CNTN5: variants seen among roughly 807,000 people sequenced by gnomAD.
CNTN5 encodes the protein contactin-5.
A neutral mutation model predicts 129.1 loss-of-function variants in CNTN5; 77 were observed. The observed-to-expected ratio is 0.60, with a 90% CI of 0.50 to 0.72. The LOEUF is 0.72. Among genes scored for constraint, CNTN5 ranks in the 30% least tolerant of loss-of-function variants. The pLI is 0.00. For missense variants in CNTN5, 1,478 were observed against 1,328.8 expected (o/e 1.11, Z -1.75); for synonymous variants, 509 against 465.6 (o/e 1.09, Z -1.20).
intron 4 of CNTN5, among the ~76,000 whole-genome samples, chr11:99,827,542 CTA>C (rs1219918818): frequency 4.7e-4 from 71 of 152,254 alleles, no homozygotes; most frequent in African/African-American, 1.7e-3. Flanking sequence ...CAAGACTAGA[CTA>C]AATTGTTAGA....
chr11:99,811,512 T>G (rs893488288), intron 3 of CNTN5, among the ~76,000 whole-genome samples: 1 of 149,264 alleles, frequency 6.7e-6, no homozygotes, highest in Non-Finnish European at 1.5e-5. Flanking sequence ...ATTAATATTT[T>G]GTTAATATTA....
intron 3 of CNTN5, among the ~76,000 whole-genome samples, chr11:99,556,770 G>T (rs1474035399): frequency 6.7e-6 from 1 of 150,142 alleles, no homozygotes; most frequent in Non-Finnish European, 1.5e-5. Context: ...GTATCTAAAG[G>T]CATCTCTAAC....
chr11:100,169,591 T>A (rs567098481), intron 13 of CNTN5, among the ~76,000 whole-genome samples: 1 of 152,118 alleles, frequency 6.6e-6, no homozygotes, highest in African/African-American at 2.4e-5. Context: ...GATATGTGCA[T>A]TGTTTCTTAG....
At chr11:99,752,730 C>T (rs752520545) in intron 3 of CNTN5, among the ~76,000 whole-genome samples, 1 of 152,156 alleles carries the variant, frequency 6.6e-6, no homozygotes, top group Non-Finnish European at 1.5e-5. Flanking sequence ...ACACAGGCCC[C>T]ATGGTATTAT....
Position 99,798,543 on chromosome 11 carries a change from TTTTGTTGAC to T in CNTN5, c.56-20992_56-20984del, listed in dbSNP as rs763757331. ...AGGAGGTCCTTTTTCTACTGCTTGT[TTTTGTTGAC>T]TTTGTTGAAGATTAGATGGCTATGG... On this transcript the variant is annotated intron_variant, in intron 3 of 24. Coordinates refer to ENST00000524871, the MANE Select transcript of CNTN5 (RefSeq NM_014361.4). Among the ~76,000 whole-genome samples the T allele has an allele frequency of 8.5e-5, 13 of 152,260 alleles. No homozygotes were observed. The South Asian group carries it at 2.3e-3, about 27-fold the overall frequency.
intron 3 of CNTN5, among the ~76,000 whole-genome samples, chr11:99,767,888 A>C (rs760722061): frequency 6.6e-6 from 1 of 152,056 alleles, no homozygotes; most frequent in Non-Finnish European, 1.5e-5. Flanking sequence ...TATTTTAAAT[A>C]TTTTCAAAAC....
chr11:99,268,792 C>T (rs1284000283), intron 1 of CNTN5, among the ~76,000 whole-genome samples: 1 of 151,952 alleles, frequency 6.6e-6, no homozygotes, highest in Non-Finnish European at 1.5e-5. Flanking sequence ...GAGCATTCGT[C>T]TAATGATTGT....
At chr11:99,942,462 C>T (rs536388559) in intron 7 of CNTN5, among the ~76,000 whole-genome samples, 5 of 151,950 alleles carry the variant, frequency 3.3e-5, no homozygotes, top group South Asian at 2.1e-4. Flanking sequence ...AACTGGTGCA[C>T]GAGTTAATGA....
chr11:99,172,784 C>G (rs1861206255), intron 1 of CNTN5, among the ~76,000 whole-genome samples: 2 of 152,112 alleles, frequency 1.3e-5, no homozygotes, highest in Admixed American at 6.5e-5. Context: ...GACACTTGAG[C>G]CAAGATCTGA....
intron 1 of CNTN5, among the ~76,000 whole-genome samples, chr11:99,231,539 C>A: frequency 6.6e-6 from 1 of 152,124 alleles, no homozygotes; most frequent in Non-Finnish European, 1.5e-5. Context: ...CTTGTAGACT[C>A]AGGATATTAA....
At chr11:99,720,280 C>A (rs1165463156) in intron 3 of CNTN5, among the ~76,000 whole-genome samples, 2 of 152,060 alleles carry the variant, frequency 1.3e-5, no homozygotes, top group Non-Finnish European at 2.9e-5. Context: ...AAATCCTCAA[C>A]AAAATACTTG....
At chr11:100,129,038 A>C (rs1450781739) in intron 13 of CNTN5, among the ~76,000 whole-genome samples, 3 of 152,184 alleles carry the variant, frequency 2.0e-5, no homozygotes, top group African/African-American at 7.2e-5. Context: ...TTTAAGCACT[A>C]GAGAATATGA....
intron 3 of CNTN5, among the ~76,000 whole-genome samples, chr11:99,653,479 T>C (rs1952234722): frequency 6.6e-6 from 1 of 152,012 alleles, no homozygotes; most frequent in African/African-American, 2.4e-5. Flanking sequence ...TAAGTAGTTC[T>C]ATTTATTGAA....
rs1007444301 is a variant in CNTN5, at chr11:99,312,926, A to G, written c.-209-12420A>G. 3.9e-5 allele frequency among the ~76,000 whole-genome samples: 6 copies of G among 152,136 alleles called. No homozygotes were observed. The East Asian group carries it at 1.2e-3, about 29-fold the overall frequency. On this transcript the variant is annotated intron_variant, in intron 1 of 24. Transcript: ENST00000524871. ...AGTGAAGGAGACAAGATTTTAATGA[A>G]GGTACTCATTCTATTCATAGGCTGG... is the stretch of plus-strand genomic sequence containing the variant.
At chr11:100,180,176 G>T (rs1948094802) in intron 13 of CNTN5, among the ~76,000 whole-genome samples, 1 of 151,942 alleles carries the variant, frequency 6.6e-6, no homozygotes, top group Non-Finnish European at 1.5e-5. Context: ...TCTTGACGAA[G>T]AACAAAGTGA....
chr11:99,501,825 A>G (rs991829867), intron 2 of CNTN5, among the ~76,000 whole-genome samples: 5 of 152,218 alleles, frequency 3.3e-5, no homozygotes, highest in Admixed American at 6.5e-5. Flanking sequence ...CTCCAAGATG[A>G]TACACTCACC....
At chr11:99,712,629 T>C (rs1424102834) in intron 3 of CNTN5, among the ~76,000 whole-genome samples, 1 of 152,180 alleles carries the variant, frequency 6.6e-6, no homozygotes. Flanking sequence ...GTTTAAGTCT[T>C]TAATCCATTT....
At chr11:99,082,054 A>G (rs1192466848) in intron 1 of CNTN5, among the ~76,000 whole-genome samples, 1 of 152,190 alleles carries the variant, frequency 6.6e-6, no homozygotes, top group Non-Finnish European at 1.5e-5. Context: ...CTGTATGTAG[A>G]TGCTTAGCAA....
chr11:99,869,541 G>A (rs1045551188), intron 6 of CNTN5, among the ~76,000 whole-genome samples: 1 of 152,092 alleles, frequency 6.6e-6, no homozygotes, highest in African/African-American at 2.4e-5. Flanking sequence ...CTGCCTAAAT[G>A]TCCTTTCCAT....
Sources: allele counts gnomAD v4.1 joint callset (sites outside exome capture counted in the v4.1 genomes callset), GRCh38; gene constraint gnomAD v4.1.1; transcripts MANE v1.5; gene names NCBI Gene and HGNC (gene_info 2026-07-23, HGNC 2026-07-21).